Variants in SPPL3 observed in about 807,000 individuals in gnomAD.
SPPL3 encodes the protein signal peptide peptidase like 3, also known as signal peptide peptidase-like 3.
In SPPL3, 5 loss-of-function variants were observed where a neutral mutation model predicts 42.4. That is an observed-to-expected ratio of 0.12 (90% CI 0.06 to 0.25). SPPL3 has a LOEUF of 0.25. Ranked by LOEUF, SPPL3 falls within the 10% of genes least tolerant of loss-of-function variation. The probability of loss-of-function intolerance (pLI) is 1.00; values close to 1 mark genes in which losing one functional copy is unlikely to be tolerated. For missense variants in SPPL3, 235 were observed against 489.0 expected, an observed-to-expected ratio of 0.48 and a Z score of 4.90; for synonymous variants, 195 against 181.8, an observed-to-expected ratio of 1.07 and a Z score of -0.58.
In SPPL3 at chr12:120,768,333, G is replaced by A; in HGVS notation, c.765C>T (p.Val255=). 6.2e-7 allele frequency: 1 copy of A among 1,613,526 alleles called. No individual in the cohort carries two copies. Among genetic ancestry groups the A allele is most frequent in the Non-Finnish European group, 8.5e-7 (1 of 1,179,678 alleles). The part of the protein sequence containing the change: ...VPRLSLPGKL[V]FPSSTGSHFS... Reference sequence around the variant, plus strand: ...ATAGCATGAGGTCTTACCTTGGGAAGACCAGTTTTCCAGGCAGAGACAGGC... The same window carrying A: ...ATAGCATGAGGTCTTACCTTGGGAAAACCAGTTTTCCAGGCAGAGACAGGC... The change falls in exon 8 of 11, where the codon GTC becomes GTT. Residue 255 remains valine, a synonymous_variant. Transcript: ENST00000353487.
At chr12:120,881,593 A>AT (rs888421511) in intron 1 of SPPL3, among the ~76,000 whole-genome samples, 4 of 150,564 alleles carry the variant, frequency 2.7e-5, no homozygotes, top group Non-Finnish European at 4.4e-5. Context: ...TCTCGAACAG[A>AT]TATTTGTACA....
intron 2 of SPPL3, among the ~76,000 whole-genome samples, chr12:120,796,454 C>T (rs1342680841): frequency 6.6e-6 from 1 of 152,118 alleles, no homozygotes; most frequent in Non-Finnish European, 1.5e-5. Context: ...TTTTGATGTA[C>T]TTTGCTCATA....
chr12:120,881,391 C>T (rs1234493999), intron 1 of SPPL3, among the ~76,000 whole-genome samples: 1 of 143,312 alleles, frequency 7.0e-6, no homozygotes, highest in East Asian at 2.0e-4. Flanking sequence ...ATCACTTGAA[C>T]CAGGAGGCAG....
chr12:120,795,511 G>GA (rs1870067868), intron 2 of SPPL3, among the ~76,000 whole-genome samples: 2 of 152,124 alleles, frequency 1.3e-5, no homozygotes, highest in Admixed American at 6.5e-5. Flanking sequence ...ATCTTACAGT[G>GA]ACAGTTTTTT....
chr12:120,898,096 GAAGTCAGGAGTTCGAGACC>G (rs1202576911), intron 1 of SPPL3, among the ~76,000 whole-genome samples: 5 of 151,948 alleles, frequency 3.3e-5, no homozygotes, highest in African/African-American at 1.2e-4. Context: ...TGGATTGCTT[GAAGTCAGGAGTTCGAGACC>G]AACCTGGCCA....
chr12:120,870,722 G>C (rs1024073256), intron 1 of SPPL3, among the ~76,000 whole-genome samples: 2 of 152,132 alleles, frequency 1.3e-5, no homozygotes, highest in Non-Finnish European at 2.9e-5. Context: ...GATAAGTGAA[G>C]TATGCCAGTC....
intron 1 of SPPL3, among the ~76,000 whole-genome samples, chr12:120,902,490 T>C (rs1418885957): frequency 6.6e-6 from 1 of 152,230 alleles, no homozygotes; most frequent in African/African-American, 2.4e-5. Flanking sequence ...CTTCACAGTT[T>C]GCCAAGTGCT....
At chr12:120,867,316 C>CG (rs1444079673) in intron 1 of SPPL3, among the ~76,000 whole-genome samples, 1 of 152,018 alleles carries the variant, frequency 6.6e-6, no homozygotes, top group Non-Finnish European at 1.5e-5. Flanking sequence ...ATGACATCTG[C>CG]GACAGCACTT....
intron 2 of SPPL3, among the ~76,000 whole-genome samples, chr12:120,795,770 C>T (rs1181981857): frequency 1.3e-5 from 2 of 152,248 alleles, no homozygotes; most frequent in Admixed American, 6.5e-5. Context: ...TTAGAAAAAA[C>T]TTGGCCATTA....
At chr12:120,871,569 G>A (rs561979150) in intron 1 of SPPL3, among the ~76,000 whole-genome samples, 6 of 151,956 alleles carry the variant, frequency 3.9e-5, no homozygotes, top group African/African-American at 9.7e-5. Context: ...CCCGGCCAAC[G>A]TGGTGAAACC....
Position 120,904,141 on chromosome 12 carries a change from C to G in SPPL3, c.-274G>C. The G allele has an allele frequency of 3.3e-6, 1 of 298,584 alleles. No individual in the cohort carries two copies. The highest frequency in any genetic ancestry group is 6.1e-6 in the Non-Finnish European group (1 of 163,500). The allele number at this position is 298,584 out of a possible 1,614,324, so 18.5% of individuals were successfully genotyped here. On this transcript the variant is annotated 5_prime_UTR_variant, in exon 1 of 11. Transcript: ENST00000353487. ...CGGCGGCTCCGCTGCAGCTCCAAAC[C>G]CAACATGGCGGCGGCGGCGGCGCGG...
intron 1 of SPPL3, among the ~76,000 whole-genome samples, chr12:120,816,739 A>C (rs1870888982): frequency 6.6e-6 from 1 of 152,124 alleles, no homozygotes; most frequent in African/African-American, 2.4e-5. Context: ...AGAACTGTGA[A>C]TCTCTGTGAT....
chr12:120,768,685 CCT>C (rs1242152643), intron 7 of SPPL3, 197 bp from the exon 8 acceptor site: 1 of 710,198 alleles, frequency 1.4e-6, no homozygotes, highest in Non-Finnish European at 2.3e-6. Flanking sequence ...GAGATTACTC[CCT>C]GACGGGGTGG....
chr12:120,772,143 T>C (rs1869146518), intron 6 of SPPL3, among the ~76,000 whole-genome samples: 1 of 152,186 alleles, frequency 6.6e-6, no homozygotes, highest in Non-Finnish European at 1.5e-5. Context: ...TGTCTCAGCC[T>C]CCCGAGTAGC....
intron 1 of SPPL3, among the ~76,000 whole-genome samples, chr12:120,838,095 T>C: frequency 6.6e-6 from 1 of 152,080 alleles, no homozygotes; most frequent in East Asian, 1.9e-4. Context: ...TACTTACTAC[T>C]TAAAACAAAG....
At chr12:120,862,437 C>G (rs1266365681) in intron 1 of SPPL3, among the ~76,000 whole-genome samples, 1 of 152,174 alleles carries the variant, frequency 6.6e-6, no homozygotes, top group African/African-American at 2.4e-5. Flanking sequence ...CCAGGTCACC[C>G]GTACTTCTGA....
chr12:120,856,343 G>A (rs564642487), intron 1 of SPPL3, among the ~76,000 whole-genome samples: 108 of 151,840 alleles, frequency 7.1e-4, no homozygotes, highest in South Asian at 1.7e-3. Flanking sequence ...TTGAGGATGT[G>A]ATGTCTCGGA....
At chr12:120,853,048 C>T (rs886211089) in intron 1 of SPPL3, among the ~76,000 whole-genome samples, 1 of 151,704 alleles carries the variant, frequency 6.6e-6, no homozygotes, top group Non-Finnish European at 1.5e-5. Context: ...GCACCCGCCA[C>T]CATGCCTGGC....
intron 1 of SPPL3, among the ~76,000 whole-genome samples, chr12:120,857,878 C>T (rs556965002): frequency 1.3e-5 from 2 of 152,266 alleles, no homozygotes; most frequent in East Asian, 1.9e-4. Flanking sequence ...CTTAATACCT[C>T]GGTGATGGGT....
Sources: gnomAD v4.1 joint callset for allele counts (sites outside exome capture counted in the v4.1 genomes callset) on GRCh38, gnomAD v4.1.1 for gene constraint, MANE v1.5 for transcripts, NCBI Gene and HGNC (gene_info 2026-07-23, HGNC 2026-07-21) for gene names.